CSNK2A2IP: variants seen among roughly 807,000 people sequenced by gnomAD.
The protein encoded by CSNK2A2IP is casein kinase 2 subunit alpha' interacting protein, also known as casein kinase II subunit alpha'-interacting protein.
At chr3:88,352,182 A>G in the CSNK2A2IP span, among the ~76,000 whole-genome samples, 66,617 of 151,900 alleles carry the variant, frequency 0.44, 15,855 homozygotes, top group South Asian at 0.62. Flanking sequence ...TAAATGTTTT[A>G]TTGTTAGTGA....
chr3:88,430,176 T>TG, the CSNK2A2IP span, among the ~76,000 whole-genome samples: 1 of 152,136 alleles, frequency 6.6e-6, no homozygotes, highest in African/African-American at 2.4e-5. Flanking sequence ...CAACCAAGGA[T>TG]GGAGGGACTC....
the CSNK2A2IP span, among the ~76,000 whole-genome samples, chr3:88,374,830 A>C: frequency 6.6e-6 from 1 of 151,832 alleles, no homozygotes; most frequent in South Asian, 2.1e-4. Context: ...AAGTAGAGCT[A>C]AAGTATATAG....
chr3:88,396,498 C>A, the CSNK2A2IP span, among the ~76,000 whole-genome samples: 1 of 152,304 alleles, frequency 6.6e-6, no homozygotes, highest in Admixed American at 6.5e-5. Context: ...GTGTTGAAGT[C>A]TGAAGCCGGA....
chr3:88,462,421 G>A, the CSNK2A2IP span, among the ~76,000 whole-genome samples: 1 of 152,130 alleles, frequency 6.6e-6, no homozygotes. Context: ...ACAGGCATAT[G>A]CAAAGCAAGG....
chr3:88,437,639 G>T, the CSNK2A2IP span, among the ~76,000 whole-genome samples: 1 of 152,064 alleles, frequency 6.6e-6, no homozygotes, highest in Non-Finnish European at 1.5e-5. Context: ...TTCCTAAAAT[G>T]AGAAATACTA....
chr3:88,381,799 A>T, the CSNK2A2IP span, among the ~76,000 whole-genome samples: 4 of 152,198 alleles, frequency 2.6e-5, no homozygotes, highest in African/African-American at 7.2e-5. Context: ...AGCAAGAGGA[A>T]CTGTTTGGAA....
the CSNK2A2IP span, among the ~76,000 whole-genome samples, chr3:88,379,517 T>C: frequency 6.6e-6 from 1 of 152,090 alleles, no homozygotes; most frequent in Non-Finnish European, 1.5e-5. Flanking sequence ...GTCCTGAAAG[T>C]TCTTTCAAGC....
chr3:88,412,522 G>A, the CSNK2A2IP span, among the ~76,000 whole-genome samples: 2 of 151,964 alleles, frequency 1.3e-5, no homozygotes, highest in Non-Finnish European at 2.9e-5. Context: ...AGTGATTTAA[G>A]TATGCTTGGG....
At chr3:88,397,010 G>T in the CSNK2A2IP span, among the ~76,000 whole-genome samples, 3 of 152,306 alleles carry the variant, frequency 2.0e-5, no homozygotes, top group Non-Finnish European at 4.4e-5. Context: ...TGGCGTCAGT[G>T]TGCCAAACGT....
the CSNK2A2IP span, among the ~76,000 whole-genome samples, chr3:88,384,029 T>C: frequency 1.3e-5 from 2 of 152,132 alleles, no homozygotes; most frequent in African/African-American, 4.8e-5. Flanking sequence ...ATAATAACTT[T>C]TTCTAATTAG....
At chr3:88,397,344 G>T in the CSNK2A2IP span, among the ~76,000 whole-genome samples, 3 of 152,060 alleles carry the variant, frequency 2.0e-5, no homozygotes, top group African/African-American at 7.2e-5. Flanking sequence ...GATTTCTTAT[G>T]TTTGTGCTAC....
chr3:88,346,001 AATAATAAAG>A, the CSNK2A2IP span, among the ~76,000 whole-genome samples: 65,963 of 151,238 alleles, frequency 0.44, 15,565 homozygotes, highest in South Asian at 0.62. Context: ...TGACTACACA[AATAATAAAG>A]ATAATAAAGT....
chr3:88,397,322 GT>G, the CSNK2A2IP span, among the ~76,000 whole-genome samples: 5 of 152,096 alleles, frequency 3.3e-5, no homozygotes, highest in African/African-American at 1.2e-4. Context: ...AGTTTTGTCA[GT>G]TTTCTACTTT....
At chr3:88,411,214 T>C in the CSNK2A2IP span, among the ~76,000 whole-genome samples, 1 of 151,976 alleles carries the variant, frequency 6.6e-6, no homozygotes, top group Non-Finnish European at 1.5e-5. Context: ...TAGTTGTTTG[T>C]GGGCATAGAA....
At chr3:88,432,754 ATAT>A in the CSNK2A2IP span, among the ~76,000 whole-genome samples, 3 of 150,604 alleles carry the variant, frequency 2.0e-5, no homozygotes, top group African/African-American at 7.3e-5. Context: ...AAATGATATT[ATAT>A]TATTATATGG....
the CSNK2A2IP span, among the ~76,000 whole-genome samples, chr3:88,408,294 A>G: frequency 6.6e-6 from 1 of 151,046 alleles, no homozygotes; most frequent in South Asian, 2.1e-4. Flanking sequence ...TTGTTACCGC[A>G]AGTCTGACAA....
At chr3:88,417,408 G>A in the CSNK2A2IP span, among the ~76,000 whole-genome samples, 1 of 152,152 alleles carries the variant, frequency 6.6e-6, no homozygotes, top group African/African-American at 2.4e-5. Context: ...GCCTGGTTGA[G>A]GAGGCATCCC....
At chr3:88,455,546 A>G in the CSNK2A2IP span, among the ~76,000 whole-genome samples, 2 of 151,708 alleles carry the variant, frequency 1.3e-5, no homozygotes, top group Admixed American at 1.3e-4. Context: ...CTATTTTTCA[A>G]TTGGCTATTT....
chr3:88,354,917 C>T, the CSNK2A2IP span, among the ~76,000 whole-genome samples: 1 of 152,020 alleles, frequency 6.6e-6, no homozygotes, highest in Non-Finnish European at 1.5e-5. Flanking sequence ...GTATTGATAA[C>T]ATTCAAAGGG....
Sources: allele counts gnomAD v4.1 joint callset (sites outside exome capture counted in the v4.1 genomes callset), GRCh38; gene constraint gnomAD v4.1.1; transcripts MANE v1.5; gene names NCBI Gene and HGNC (gene_info 2026-07-23, HGNC 2026-07-21).